Variants in SEC14L1 observed in about 807,000 individuals in gnomAD.
The protein encoded by SEC14L1 is SEC14 like lipid binding 1.
Under a neutral mutation model 85.3 loss-of-function variants are expected in SEC14L1, and 48 were observed. The ratio of observed to expected loss-of-function variants is 0.56; its 90% CI spans 0.45 to 0.72. The LOEUF is 0.72. SEC14L1 is among the 30% of genes least tolerant of loss of function. The pLI, the probability that SEC14L1 is intolerant of heterozygous loss-of-function variation, is 0.00. For synonymous variants in SEC14L1, 391 were observed against 355.5 expected (o/e 1.10, Z -1.12); for missense variants, 682 against 921.4 (o/e 0.74, Z 3.36).
intron 3 of SEC14L1, among the ~76,000 whole-genome samples, chr17:77,162,992 T>C (rs2143643213): frequency 6.6e-6 from 1 of 152,284 alleles, no homozygotes; most frequent in Admixed American, 6.5e-5. Context: ...TTTGAGAATA[T>C]TGGCCACGTA....
At chr17:77,156,164 T>C (rs1164444273) in intron 3 of SEC14L1, among the ~76,000 whole-genome samples, 1 of 152,178 alleles carries the variant, frequency 6.6e-6, no homozygotes, top group Non-Finnish European at 1.5e-5. Flanking sequence ...TTCCTCTCTG[T>C]GCACTGGCAG....
intron 3 of SEC14L1, among the ~76,000 whole-genome samples, chr17:77,147,249 T>C (rs981726138): frequency 5.3e-5 from 8 of 152,184 alleles, no homozygotes; most frequent in African/African-American, 1.9e-4. Flanking sequence ...TAATTTAGTA[T>C]TGCCGGAAAA....
At chr17:77,125,746 G>A (rs889342730) in intron 3 of SEC14L1, among the ~76,000 whole-genome samples, 7 of 152,160 alleles carry the variant, frequency 4.6e-5, no homozygotes, top group East Asian at 1.9e-4. Context: ...GCCATCCCAC[G>A]TGCCTTATGT....
intron 3 of SEC14L1, chr17:77,128,181 G>C (rs1339124473): frequency 6.6e-6 from 1 of 152,142 alleles, no homozygotes; most frequent in Non-Finnish European, 1.5e-5. Context: ...CGGGGGTATG[G>C]AGGAAGGTCA....
chr17:77,106,268 T>C (rs1367524698), intron 3 of SEC14L1, among the ~76,000 whole-genome samples: 5 of 152,172 alleles, frequency 3.3e-5, no homozygotes, highest in Middle Eastern at 6.8e-3. Flanking sequence ...GTGTGGTGGC[T>C]CACACCTGTA....
intron 3 of SEC14L1, among the ~76,000 whole-genome samples, chr17:77,179,408 C>T (rs1210451490): frequency 2.0e-5 from 3 of 152,168 alleles, no homozygotes; most frequent in Non-Finnish European, 2.9e-5. Flanking sequence ...ATGCCTTCCA[C>T]GATACTCATC....
At chr17:77,180,285 G>C (rs934692831) in intron 3 of SEC14L1, among the ~76,000 whole-genome samples, 1 of 151,800 alleles carries the variant, frequency 6.6e-6, no homozygotes, top group Non-Finnish European at 1.5e-5. Context: ...TCTGTTTTTA[G>C]TAGAGACGTT....
At chr17:77,156,936 T>A (rs532507592) in intron 3 of SEC14L1, among the ~76,000 whole-genome samples, 1 of 152,300 alleles carries the variant, frequency 6.6e-6, no homozygotes, top group South Asian at 2.1e-4. Flanking sequence ...ATATACAAAA[T>A]CCTATTTCTT....
intron 1 of SEC14L1, among the ~76,000 whole-genome samples, 188 bp from the exon 2 acceptor site, chr17:77,142,458 T>C (rs1196000637): frequency 1.3e-5 from 2 of 149,598 alleles, no homozygotes; most frequent in Non-Finnish European, 3.0e-5. Flanking sequence ...CTTGGGAGGC[T>C]GAGGCAGGAG....
intron 3 of SEC14L1, among the ~76,000 whole-genome samples, chr17:77,101,408 C>T (rs1045188023): frequency 6.6e-6 from 1 of 152,146 alleles, no homozygotes; most frequent in Non-Finnish European, 1.5e-5. Context: ...GAACTCCTGA[C>T]CTCAGGTGAC....
rs1567868320 is a variant in SEC14L1 at position 77,100,412 on chromosome 17, C to CTTT, written c.-136+7066_-136+7068dup. On this transcript the variant is annotated intron_variant, in intron 3 of 19. Coordinates refer to the SEC14L1 transcript ENST00000392476. ...CTTTTTCTTTTTTTTTTTTTCTTTT[C>CTTT]TTTCTCTCTCTCTCTCTTTTTTTTT... is the stretch of plus-strand genomic sequence containing the variant. 3.6e-3 allele frequency among the ~76,000 whole-genome samples: 269 copies of CTTT among 75,486 alleles called. 1 individual carries two copies. Among genetic ancestry groups the CTTT allele is most frequent in the Non-Finnish European group, 5.0e-3 (193 of 38,750 alleles). The allele number at this position is 75,486 out of a possible 152,430, so 49.5% of individuals were successfully genotyped here. A position where few individuals can be genotyped will look rare whatever the true frequency, so the allele number is the denominator to read the frequency against.
chr17:77,203,631 G>A lies in SEC14L1; in HGVS notation c.1071G>A (p.Ala357=), dbSNP rs370893885. Reference sequence around the variant, plus strand: ...TGGACACCAAAGGCTTGGTGAGAGCGCTCGGGGAGGAAGCCCTGCTGAGAT... The same window carrying A: ...TGGACACCAAAGGCTTGGTGAGAGCACTCGGGGAGGAAGCCCTGCTGAGAT... ...GQMDTKGLVR[A]LGEEALLRYV... is the part of the protein sequence containing the mutation. The change falls in exon 10 of 17, where the codon GCG becomes GCA. Residue 357 remains alanine, a synonymous_variant. Transcript: ENST00000436233. 4.5e-5 allele frequency: 73 copies of A among 1,613,442 alleles called. No homozygotes were observed. Among genetic ancestry groups the A allele is most frequent in the Non-Finnish European group, 5.7e-5 (67 of 1,179,838 alleles).
intron 3 of SEC14L1, among the ~76,000 whole-genome samples, chr17:77,095,184 T>C (rs1280567847): frequency 2.0e-5 from 3 of 152,232 alleles, no homozygotes; most frequent in Non-Finnish European, 4.4e-5. Context: ...TAGGCTCCCC[T>C]GAGCAGTAAC....
intron 15 of SEC14L1, 72 bp downstream of exon 15, chr17:77,212,273 T>G: frequency 6.4e-7 from 1 of 1,568,006 alleles, no homozygotes. Flanking sequence ...TTGAGTAGAC[T>G]CTTTGCTTCG....
At chr17:77,105,039 C>T (rs1284638934) in intron 3 of SEC14L1, among the ~76,000 whole-genome samples, 3 of 151,990 alleles carry the variant, frequency 2.0e-5, no homozygotes, top group African/African-American at 7.3e-5. Context: ...AGGGAGCTTC[C>T]AGGTCACAGA....
chr17:77,142,063 T>A (rs1973076145), intron 1 of SEC14L1, among the ~76,000 whole-genome samples: 2 of 152,004 alleles, frequency 1.3e-5, no homozygotes, highest in Admixed American at 1.3e-4. Context: ...GTTTTAGAGG[T>A]GGAAGTCTTT....
chr17:77,201,260 T>A (rs1345820865), intron 9 of SEC14L1, among the ~76,000 whole-genome samples: 1 of 152,168 alleles, frequency 6.6e-6, no homozygotes, highest in Non-Finnish European at 1.5e-5. Flanking sequence ...AAATACACTC[T>A]TTCCTGAGCC....
chr17:77,192,347 A>G (rs1958644415), intron 5 of SEC14L1, among the ~76,000 whole-genome samples: 2 of 152,266 alleles, frequency 1.3e-5, no homozygotes, highest in East Asian at 1.9e-4. Flanking sequence ...AAAGTGATCT[A>G]TTTAAAGTAT....
chr17:77,124,409 G>T (rs1972384727), intron 3 of SEC14L1, among the ~76,000 whole-genome samples: 1 of 152,062 alleles, frequency 6.6e-6, no homozygotes, highest in Non-Finnish European at 1.5e-5. Flanking sequence ...TCTGCTTCAG[G>T]ATATTGTTCT....
Sources: allele counts gnomAD v4.1 joint callset (sites outside exome capture counted in the v4.1 genomes callset), GRCh38; gene constraint gnomAD v4.1.1; transcripts MANE v1.5; gene names NCBI Gene and HGNC (gene_info 2026-07-23, HGNC 2026-07-21).